SORCS2: variants seen among roughly 807,000 people sequenced by gnomAD.
SORCS2 encodes VPS10 domain-containing receptor SorCS2.
SORCS2 carries 100 observed loss-of-function variants against 141.6 expected under a neutral mutation model. That is an observed-to-expected ratio of 0.71 (90% confidence interval 0.60 to 0.83). The LOEUF (loss-of-function observed/expected upper bound fraction) is 0.83. SORCS2 is among the 40% of genes least tolerant of loss of function. The probability of loss-of-function intolerance (pLI) is 0.00; values close to 1 mark genes in which losing one functional copy is unlikely to be tolerated. For missense variants in SORCS2, 1,646 were observed against 1,560.2 expected (o/e 1.05, Z -0.93); for synonymous variants, 789 against 676.9 (o/e 1.17, Z -2.57).
chr4:7,270,375 G>A (rs1192566118), intron 1 of SORCS2, among the ~76,000 whole-genome samples: 4 of 152,232 alleles, frequency 2.6e-5, no homozygotes, highest in Non-Finnish European at 5.9e-5. Context: ...GGGGAGCTGC[G>A]CTGGTCCTGT....
intron 1 of SORCS2, among the ~76,000 whole-genome samples, chr4:7,368,900 ATGGTTTTAAAAAC>A (rs956216380): frequency 6.6e-6 from 1 of 152,050 alleles, no homozygotes; most frequent in African/African-American, 2.4e-5. Context: ...ACGAGATCTG[ATGGTTTTAAAAAC>A]TGGAGTTTCC....
At chr4:7,605,649 G>A (rs1577829886) in intron 3 of SORCS2, among the ~76,000 whole-genome samples, 1 of 152,180 alleles carries the variant, frequency 6.6e-6, no homozygotes, top group African/African-American at 2.4e-5. Context: ...TGGTATTTAG[G>A]CTGCCATATT....
rs1315900107 is a variant in SORCS2 at position 7,663,158 on chromosome 4, GTGAGTGAATGAGTGA to G, written c.953-1179_953-1165del. On this transcript the variant is annotated intron_variant, in intron 6 of 26. Transcript: ENST00000507866. This position sits in a 1 kb window ranked among gnomAD's most constrained non-coding sequence, Gnocchi z 4.8. ...AGTGAGTGAGTAATTGAAAGAGTGA[GTGAGTGAATGAGTGA>G]TGAGTGAATGAGTGAGTGAGTGAAG... is the stretch of plus-strand genomic sequence containing the variant. Among the ~76,000 whole-genome samples, 1 of 151,900 alleles carries G rather than the reference GTGAGTGAATGAGTGA, an allele frequency of 6.6e-6. No homozygotes were observed. The highest frequency in any genetic ancestry group is 2.4e-5 in the African/African-American group (1 of 41,264).
At chr4:7,237,613 G>T (rs533203772) in intron 1 of SORCS2, among the ~76,000 whole-genome samples, 2 of 152,110 alleles carry the variant, frequency 1.3e-5, no homozygotes, top group Non-Finnish European at 2.9e-5. Context: ...GCTGCAACGG[G>T]TGCCTTATTG....
At chr4:7,287,767 G>T (rs975857132) in intron 1 of SORCS2, among the ~76,000 whole-genome samples, 4 of 152,186 alleles carry the variant, frequency 2.6e-5, no homozygotes, top group African/African-American at 7.2e-5. Flanking sequence ...TGCTGTGGGC[G>T]GGCGTGGGTC....
chr4:7,401,787 G>T (rs147838482), intron 2 of SORCS2, among the ~76,000 whole-genome samples: 267 of 152,288 alleles, frequency 1.8e-3, no homozygotes, highest in Middle Eastern at 6.8e-3. Context: ...TCATCCAGGG[G>T]CAGTCTCAGG....
chr4:7,492,645 G>C (rs113519519), intron 2 of SORCS2, among the ~76,000 whole-genome samples: 137 of 152,364 alleles, frequency 9.0e-4, no homozygotes, highest in Middle Eastern at 6.8e-3. Flanking sequence ...AGTGGCTGTA[G>C]TTCTGTAAAT....
chr4:7,648,434 C>T lies in SORCS2; in HGVS notation c.814-5700C>T, dbSNP rs1261081662. 1.3e-5 allele frequency among the ~76,000 whole-genome samples: 2 copies of T among 152,076 alleles called. No individual in the cohort carries two copies. Among genetic ancestry groups the T allele is most frequent in the Non-Finnish European group, 2.9e-5 (2 of 68,000 alleles). Reference sequence around the variant, plus strand: ...GCCTCAGAGTAGGCCTGATGTCACCCCCAGGCAGCAGCGACCTTGGGACTC... The same window carrying T: ...GCCTCAGAGTAGGCCTGATGTCACCTCCAGGCAGCAGCGACCTTGGGACTC... On this transcript the variant is annotated intron_variant, in intron 4 of 26. Coordinates refer to ENST00000507866, the MANE Select transcript of SORCS2 (RefSeq NM_020777.3). This position sits in a 1 kb window ranked among gnomAD's most constrained non-coding sequence, Gnocchi z 4.2.
At chr4:7,586,835 T>C (rs1716567600) in intron 3 of SORCS2, among the ~76,000 whole-genome samples, 1 of 152,162 alleles carries the variant, frequency 6.6e-6, no homozygotes, top group African/African-American at 2.4e-5. Context: ...TATCTTCTTA[T>C]ATACTCCTCG....
At chr4:7,288,264 C>T (rs994042845) in intron 1 of SORCS2, among the ~76,000 whole-genome samples, 7 of 152,070 alleles carry the variant, frequency 4.6e-5, no homozygotes, top group Middle Eastern at 3.2e-3. Flanking sequence ...CACCACACTG[C>T]GATCTGAAAT....
chr4:7,439,257 GT>G (rs1198987773), intron 2 of SORCS2, among the ~76,000 whole-genome samples: 1 of 152,022 alleles, frequency 6.6e-6, no homozygotes, highest in African/African-American at 2.4e-5. Flanking sequence ...AAGACTACGA[GT>G]TCATACTGAT....
At position 7,583,585 on chromosome 4, in the gene SORCS2, T is replaced by G. The variant is rs187282080; in HGVS notation, c.648+51956T>G. On this transcript the variant is annotated intron_variant, in intron 3 of 26. Transcript: ENST00000507866. ...CATGGGGGCAGTTTCCCCCATACTGTTCTCATGGTAGTGAATAAGTCTCAC... is the reference window on the plus strand; with the variant it reads ...CATGGGGGCAGTTTCCCCCATACTGGTCTCATGGTAGTGAATAAGTCTCAC... 9.8e-5 allele frequency among the ~76,000 whole-genome samples: 15 copies of G among 152,310 alleles called. No homozygotes were observed. The East Asian group carries it at 2.3e-3, about 24-fold the overall frequency.
intron 4 of SORCS2, among the ~76,000 whole-genome samples, chr4:7,639,654 TGA>T (rs1350078764): frequency 6.6e-5 from 10 of 151,196 alleles, no homozygotes; most frequent in African/African-American, 1.2e-4. Context: ...TATATGAATG[TGA>T]GTGTGTGCAA....
chr4:7,700,502 G>A (rs1317881730), intron 12 of SORCS2, among the ~76,000 whole-genome samples: 2 of 152,192 alleles, frequency 1.3e-5, no homozygotes, highest in African/African-American at 4.8e-5. Context: ...GTAGATCAAT[G>A]GGGAGGAGAA....
intron 2 of SORCS2, among the ~76,000 whole-genome samples, chr4:7,469,235 T>A (rs1285609796): frequency 6.6e-6 from 1 of 151,828 alleles, no homozygotes; most frequent in Non-Finnish European, 1.5e-5. Flanking sequence ...GTGGTGATAG[T>A]GATGATGGTG....
At chr4:7,688,022 G>T (rs1723982558) in intron 10 of SORCS2, among the ~76,000 whole-genome samples, 1 of 152,158 alleles carries the variant, frequency 6.6e-6, no homozygotes, top group Admixed American at 6.5e-5. Context: ...GACAAATAAA[G>T]CCTGTCTGCC....
chr4:7,323,229 A>C (rs1170684156), intron 1 of SORCS2, among the ~76,000 whole-genome samples: 1 of 152,214 alleles, frequency 6.6e-6, no homozygotes, highest in African/African-American at 2.4e-5. Flanking sequence ...ATGATAGCAA[A>C]AGAACAAAAC....
chr4:7,718,744 T>G (rs1726370174), intron 18 of SORCS2, among the ~76,000 whole-genome samples: 1 of 152,244 alleles, frequency 6.6e-6, no homozygotes, highest in Non-Finnish European at 1.5e-5. Context: ...GTGTTATATT[T>G]TCTTCTGACG....
intron 1 of SORCS2, among the ~76,000 whole-genome samples, chr4:7,379,984 G>A (rs769132051): frequency 2.6e-5 from 4 of 152,200 alleles, no homozygotes; most frequent in Non-Finnish European, 4.4e-5. Flanking sequence ...TGCCGGTTCC[G>A]TTCTGCTTTC....
Sources: allele counts gnomAD v4.1 joint callset (sites outside exome capture counted in the v4.1 genomes callset), GRCh38; gene constraint gnomAD v4.1.1; non-coding constraint Gnocchi (gnomAD v3.1); transcripts MANE v1.5; gene names NCBI Gene and HGNC (gene_info 2026-07-23, HGNC 2026-07-21).